Variants in DCAF6 observed in about 807,000 individuals in gnomAD.
The protein encoded by DCAF6 is DDB1 and CUL4 associated factor 6.
A neutral mutation model predicts 125.1 loss-of-function variants in DCAF6; 54 were observed. The observed-to-expected ratio is 0.43, with a 90% CI of 0.35 to 0.54. The LOEUF (loss-of-function observed/expected upper bound fraction) is 0.54, where lower values mean the gene tolerates loss of function less well. DCAF6 is among the 20% of genes least tolerant of loss of function. DCAF6 has a pLI of 0.01. For missense variants in DCAF6, 934 were observed against 1,161.7 expected, an observed-to-expected ratio of 0.80 and a Z score of 2.85; for synonymous variants, 371 against 390.4, an observed-to-expected ratio of 0.95 and a Z score of 0.58.
chr1:167,909,654 C>T, the DCAF6 span, among the ~76,000 whole-genome samples: 3 of 152,036 alleles, frequency 2.0e-5, no homozygotes, highest in South Asian at 2.1e-4. Context: ...CCAGGGAAGC[C>T]GAAAGATTGG....
the DCAF6 span, among the ~76,000 whole-genome samples, chr1:167,908,619 T>G: frequency 7.2e-5 from 11 of 152,246 alleles, no homozygotes; most frequent in African/African-American, 2.7e-4. Context: ...AATTATTTCA[T>G]AATGTATACA....
the DCAF6 span, chr1:167,883,736 A>C: frequency 1.7e-5 from 17 of 979,780 alleles, no homozygotes; most frequent in African/African-American, 2.2e-4. Context: ...CTACCTCAGA[A>C]TGGGTGAGGT....
intron 10 of DCAF6, 21 bp from the exon 11 acceptor site, chr1:168,015,760 T>G: frequency 6.9e-7 from 1 of 1,441,846 alleles, no homozygotes; most frequent in Non-Finnish European, 9.2e-7. Flanking sequence ...CTTTTCACCT[T>G]TCTTTTCCTA....
At chr1:167,898,588 G>A in the DCAF6 span, among the ~76,000 whole-genome samples, 27 of 95,692 alleles carry the variant, frequency 2.8e-4, no homozygotes, top group African/African-American at 9.1e-4. Flanking sequence ...AACAGAGCGA[G>A]ACTCCGTTTT....
chr1:168,039,804 T>G (rs1688293189), intron 13 of DCAF6, among the ~76,000 whole-genome samples: 1 of 150,748 alleles, frequency 6.6e-6, no homozygotes. Flanking sequence ...TGATATGTGA[T>G]ATTACTTTTA....
At chr1:168,036,908 T>C (rs1687886190) in intron 12 of DCAF6, among the ~76,000 whole-genome samples, 1 of 152,206 alleles carries the variant, frequency 6.6e-6, no homozygotes, top group South Asian at 2.1e-4. Flanking sequence ...TAATTCACAT[T>C]ATTTTCAAAT....
chr1:168,004,106 G>C, intron 9 of DCAF6, 117 bp downstream of exon 9: 1 of 1,256,580 alleles, frequency 8.0e-7, no homozygotes, highest in Non-Finnish European at 1.1e-6. Context: ...TAATCACAAG[G>C]TTCTTATTGT....
the DCAF6 span, chr1:167,880,400 T>G: frequency 2.8e-6 from 3 of 1,070,862 alleles, no homozygotes; most frequent in East Asian, 4.7e-5. Context: ...TCTTAATTAA[T>G]TCTTCTTTCT....
chr1:168,072,967 A>G (rs1416273286), intron 21 of DCAF6, among the ~76,000 whole-genome samples: 1 of 152,178 alleles, frequency 6.6e-6, no homozygotes, highest in Non-Finnish European at 1.5e-5. Context: ...TCTGAAAAAC[A>G]GTATACATAG....
chr1:167,915,023 T>C, the DCAF6 span, among the ~76,000 whole-genome samples: 3 of 152,224 alleles, frequency 2.0e-5, no homozygotes, highest in East Asian at 5.8e-4. Flanking sequence ...TAGGGAGAGC[T>C]ATTCTTAATA....
intron 6 of DCAF6, 49 bp downstream of exon 6, chr1:167,991,388 A>C: frequency 6.6e-7 from 1 of 1,512,282 alleles, no homozygotes; most frequent in Non-Finnish European, 8.9e-7. Context: ...TTCAAAGAGT[A>C]AATCTCTATG....
intron 13 of DCAF6, among the ~76,000 whole-genome samples, chr1:168,040,584 T>C (rs1688396350): frequency 6.6e-6 from 1 of 151,976 alleles, no homozygotes. Context: ...AAAATTGTGA[T>C]GTTTGTGGCC....
upstream of DCAF6, chr1:167,936,381 C>T (rs1671215769): frequency 5.6e-6 from 1 of 177,168 alleles, no homozygotes; most frequent in Admixed American, 5.8e-5. Context: ...CCGCACAATT[C>T]TCTTGCTTCT....
chr1:167,884,842 C>T, the DCAF6 span, among the ~76,000 whole-genome samples: 1 of 152,090 alleles, frequency 6.6e-6, no homozygotes, highest in Non-Finnish European at 1.5e-5. Context: ...GGATTGCAGG[C>T]ATGCACCACC....
intron 2 of DCAF6, among the ~76,000 whole-genome samples, chr1:167,953,185 A>G (rs1020337729): frequency 3.3e-5 from 5 of 152,180 alleles, no homozygotes; most frequent in African/African-American, 7.2e-5. Flanking sequence ...TGTTCAAAAG[A>G]TGATCCAAGG....
chr1:167,883,588 C>T, the DCAF6 span: 134 of 1,614,062 alleles, frequency 8.3e-5, no homozygotes, highest in Non-Finnish European at 1.1e-4. Flanking sequence ...CGTCACTGGG[C>T]GAAGCTCAGA....
intron 1 of DCAF6, among the ~76,000 whole-genome samples, chr1:167,946,246 G>A (rs531908092): frequency 6.6e-6 from 1 of 152,246 alleles, no homozygotes; most frequent in Non-Finnish European, 1.5e-5. Context: ...ATGAGCTACC[G>A]CGCCTGGCAA....
chr1:167,948,090 T>C (rs1252465407), intron 1 of DCAF6, among the ~76,000 whole-genome samples: 1 of 152,102 alleles, frequency 6.6e-6, no homozygotes, highest in African/African-American at 2.4e-5. Context: ...TATATATTCT[T>C]GCTGAATTGG....
rs766445617 is a variant in DCAF6, at chr1:168,068,368, G to A, written c.2696G>A (p.Arg899Gln). Reference protein sequence around the residue: ...NRKLADEVITRNELMLEETRN... With the variant: ...NRKLADEVITQNELMLEETRN... ...TAACTTGCCTTGTAGGTTATAACTC[G>A]AAACGAACTCATGCTGGAAGAAACT... The change falls in exon 21 of 22, where the codon CGA (arginine) becomes CAA (glutamine). Residue 899 changes from arginine (R) to glutamine (Q), a missense_variant. Physicochemically the swap from Arg to Gln is conservative, Grantham distance 43. Coordinates refer to ENST00000367840, the MANE Select transcript of DCAF6 (RefSeq NM_001198956.2). 6.2e-7 allele frequency: 1 copy of A among 1,604,862 alleles called. No individual in the cohort carries two copies. Among genetic ancestry groups the A allele is most frequent in the Non-Finnish European group, 8.5e-7 (1 of 1,174,742 alleles).
Sources: gnomAD v4.1 joint callset for allele counts (sites outside exome capture counted in the v4.1 genomes callset) on GRCh38, gnomAD v4.1.1 for gene constraint, MANE v1.5 for transcripts, NCBI Gene and HGNC (gene_info 2026-07-23, HGNC 2026-07-21) for gene names.